PTPRD: variants seen among roughly 807,000 people sequenced by gnomAD.
The protein encoded by PTPRD is receptor-type tyrosine-protein phosphatase delta.
In PTPRD, 34 loss-of-function variants were observed where a neutral mutation model predicts 214.5. The ratio of observed to expected loss-of-function variants is 0.16; its 90% CI spans 0.12 to 0.21. The LOEUF is 0.21. PTPRD is among the 10% of genes least tolerant of loss of function. The pLI is 1.00. For missense variants in PTPRD, 2,545 were observed against 2,398.7 expected (o/e 1.06, Z -1.27); for synonymous variants, 1,128 against 845.7 (o/e 1.33, Z -5.79).
intron 3 of PTPRD, among the ~76,000 whole-genome samples, chr9:10,087,002 A>C (rs1183235323): frequency 6.6e-6 from 1 of 151,828 alleles, no homozygotes; most frequent in African/African-American, 2.4e-5. Context: ...TTTAGGATTC[A>C]GCAATATCAT....
chr9:10,334,934 G>C (rs1451325006), intron 3 of PTPRD, among the ~76,000 whole-genome samples: 1 of 151,634 alleles, frequency 6.6e-6, no homozygotes, highest in Non-Finnish European at 1.5e-5. Flanking sequence ...TCTGATGAAA[G>C]AAATTAAAAA....
At chr9:8,625,791 T>G (rs978957481) in intron 14 of PTPRD, among the ~76,000 whole-genome samples, 9 of 151,456 alleles carry the variant, frequency 5.9e-5, no homozygotes, top group Non-Finnish European at 1.5e-5. Context: ...AGATATAAAT[T>G]AAAACACAGC....
chr9:8,469,859 C>T lies in PTPRD; in HGVS notation c.3504+1136G>A, dbSNP rs368291212. On this transcript the variant is annotated intron_variant, in intron 31 of 45. Coordinates refer to ENST00000381196, the MANE Select transcript of PTPRD (RefSeq NM_002839.4). Reference sequence around the variant, plus strand: ...AAATGAAGCCAGTGATCATAAATCCCGCTTCTAGAGATGACACACGTCTGC... The same window carrying T: ...AAATGAAGCCAGTGATCATAAATCCTGCTTCTAGAGATGACACACGTCTGC... 2.0e-4 allele frequency among the ~76,000 whole-genome samples: 31 copies of T among 152,148 alleles called. 1 individual carries two copies. The South Asian group carries it at 3.1e-3, about 15-fold the overall frequency.
chr9:8,578,074 C>T (rs557911834), intron 14 of PTPRD, among the ~76,000 whole-genome samples: 1 of 152,164 alleles, frequency 6.6e-6, no homozygotes, highest in Non-Finnish European at 1.5e-5. Flanking sequence ...CAGTTAATTT[C>T]ATTGCGCTTT....
intron 2 of PTPRD, among the ~76,000 whole-genome samples, chr9:10,538,127 T>G (rs1458795415): frequency 6.6e-6 from 1 of 151,962 alleles, no homozygotes; most frequent in Non-Finnish European, 1.5e-5. Flanking sequence ...TGAATCACAG[T>G]GCCTATCCCT....
chr9:9,232,558 A>G (rs2099963764), intron 9 of PTPRD, among the ~76,000 whole-genome samples: 1 of 152,166 alleles, frequency 6.6e-6, no homozygotes, highest in Admixed American at 6.6e-5. Context: ...TTATTCTGGA[A>G]GTAATAAAAA....
At chr9:9,881,685 C>G (rs909938262) in intron 5 of PTPRD, among the ~76,000 whole-genome samples, 2 of 152,126 alleles carry the variant, frequency 1.3e-5, no homozygotes, top group African/African-American at 4.8e-5. Context: ...TATTAAGGTG[C>G]CACTTTACCG....
At chr9:9,515,858 T>G (rs1215690197) in intron 8 of PTPRD, among the ~76,000 whole-genome samples, 4 of 151,980 alleles carry the variant, frequency 2.6e-5, no homozygotes, top group Non-Finnish European at 5.9e-5. Context: ...AATTAAGCAA[T>G]AAAAAAGAAT....
intron 11 of PTPRD, among the ~76,000 whole-genome samples, chr9:8,928,931 GT>G (rs1476436820): frequency 6.6e-6 from 1 of 152,024 alleles, no homozygotes; most frequent in Non-Finnish European, 1.5e-5. Context: ...GTATTCCTAG[GT>G]ATTTTATTCT....
At chr9:8,685,977 C>T (rs889528482) in intron 12 of PTPRD, among the ~76,000 whole-genome samples, 5 of 152,156 alleles carry the variant, frequency 3.3e-5, no homozygotes, top group African/African-American at 1.2e-4. Context: ...TTTTGAGAAA[C>T]ATCTGTCCAG....
At chr9:9,575,421 T>A (rs907733164) in intron 7 of PTPRD, among the ~76,000 whole-genome samples, 1 of 151,902 alleles carries the variant, frequency 6.6e-6, no homozygotes, top group Non-Finnish European at 1.5e-5. Flanking sequence ...GTGTGTGACT[T>A]TATATAATAG....
chr9:8,925,304 T>C (rs1179241818), intron 11 of PTPRD, among the ~76,000 whole-genome samples: 5 of 152,036 alleles, frequency 3.3e-5, no homozygotes, highest in Non-Finnish European at 5.9e-5. Flanking sequence ...TAGGCAGGGA[T>C]GGTGTAGGAT....
In PTPRD at chr9:8,317,355, C is replaced by A. The variant is rs1231814153; in HGVS notation, c.*519G>T. 4.3e-6 allele frequency: 1 copy of A among 232,602 alleles called. No homozygotes were observed. Among genetic ancestry groups the A allele is most frequent in the East Asian group, 6.1e-5 (1 of 16,432 alleles). The allele number at this position is 232,602 out of a possible 1,614,324, so 14.4% of individuals were successfully genotyped here. A position where few individuals can be genotyped will look rare whatever the true frequency, so the allele number is the denominator to read the frequency against. On this transcript the variant is annotated 3_prime_UTR_variant, in exon 46 of 46. Coordinates refer to ENST00000381196, the MANE Select transcript of PTPRD (RefSeq NM_002839.4). ...GAAATGAAGCACAGGTCAGCAGTAT[C>A]TTTACAATACTAAAAAACTAAATCA...
intron 14 of PTPRD, among the ~76,000 whole-genome samples, chr9:8,553,632 C>T (rs1216311537): frequency 6.6e-6 from 1 of 152,130 alleles, no homozygotes; most frequent in East Asian, 1.9e-4. Context: ...AGGTACATGA[C>T]TCAGCATTCT....
intron 12 of PTPRD, among the ~76,000 whole-genome samples, chr9:8,643,852 G>T (rs954129501): frequency 1.2e-4 from 18 of 152,202 alleles, no homozygotes; most frequent in Admixed American, 2.0e-4. Context: ...TGCCACAGTT[G>T]GTGGCAGGAG....
intron 5 of PTPRD, among the ~76,000 whole-genome samples, chr9:9,807,630 T>C (rs2045858723): frequency 6.6e-6 from 1 of 152,214 alleles, no homozygotes; most frequent in African/African-American, 2.4e-5. Flanking sequence ...TATTATTATT[T>C]ACACATTGCT....
intron 11 of PTPRD, among the ~76,000 whole-genome samples, chr9:8,768,561 T>C (rs1365106008): frequency 6.6e-6 from 1 of 151,966 alleles, no homozygotes; most frequent in Non-Finnish European, 1.5e-5. Flanking sequence ...TCAAAATAAA[T>C]AAATAATTTT....
chr9:10,298,332 T>C (rs2095749566), intron 3 of PTPRD, among the ~76,000 whole-genome samples: 1 of 152,128 alleles, frequency 6.6e-6, no homozygotes, highest in African/African-American at 2.4e-5. Context: ...AAAGATCCAT[T>C]ACTCAACAAA....
chr9:9,050,700 T>C (rs994909769), intron 10 of PTPRD, among the ~76,000 whole-genome samples: 1 of 151,862 alleles, frequency 6.6e-6, no homozygotes, highest in Admixed American at 6.6e-5. Context: ...ACCTACCTCT[T>C]AGTAGCTGTC....
Sources: allele counts gnomAD v4.1 joint callset (sites outside exome capture counted in the v4.1 genomes callset), GRCh38; gene constraint gnomAD v4.1.1; transcripts MANE v1.5; gene names NCBI Gene and HGNC (gene_info 2026-07-23, HGNC 2026-07-21).